Variants in MACROD1 observed in about 807,000 individuals in gnomAD.
The protein encoded by MACROD1 is ADP-ribose glycohydrolase MACROD1.
Under a neutral mutation model 41.4 loss-of-function variants are expected in MACROD1, and 31 were observed. The observed-to-expected ratio is 0.75, with a 90% CI of 0.56 to 1.01. MACROD1 has a LOEUF of 1.01. Ranked by LOEUF, MACROD1 falls within the 50% of genes least tolerant of loss-of-function variation. The pLI is 0.00. For synonymous variants in MACROD1, 252 were observed against 203.4 expected (o/e 1.24, Z -2.03); for missense variants, 473 against 460.0 (o/e 1.03, Z -0.26).
chr11:64,130,713 C>T (rs970387854), intron 3 of MACROD1, among the ~76,000 whole-genome samples: 5 of 152,206 alleles, frequency 3.3e-5, no homozygotes, highest in Non-Finnish European at 5.9e-5. Context: ...GCCTCCCCGC[C>T]GCCGCACCCA....
At chr11:64,051,203 CA>C (rs1242642101) in intron 3 of MACROD1, among the ~76,000 whole-genome samples, 11 of 152,362 alleles carry the variant, frequency 7.2e-5, no homozygotes, top group African/African-American at 2.2e-4. Context: ...GACATGGGGC[CA>C]GGGGTGCCAA....
chr11:63,999,114 G>C lies in MACROD1; in HGVS notation c.892-78C>G, dbSNP rs1942770123. The C allele has an allele frequency of 2.1e-6, 3 of 1,427,526 alleles. No homozygotes were observed. The South Asian group carries it at 3.9e-5, about 19-fold the overall frequency. 88.4% of individuals were successfully genotyped at this position (1,427,526 alleles called of 1,614,324 possible). ...TCCTGTGACTGCCTGCCCTGGTGCA[G>C]GCTTTCACCTGCCTGGCCCTGCGCC... On this transcript the variant is annotated intron_variant, in intron 8 of 10. Transcript: ENST00000255681.
intron 4 of MACROD1, among the ~76,000 whole-genome samples, chr11:64,011,517 G>A (rs570717174): frequency 6.6e-6 from 1 of 152,038 alleles, no homozygotes; most frequent in East Asian, 1.9e-4. Context: ...CACCACAGAT[G>A]TTAATTATTT....
At chr11:64,161,664 TG>T (rs1266852497) in intron 1 of MACROD1, among the ~76,000 whole-genome samples, 5 of 152,246 alleles carry the variant, frequency 3.3e-5, no homozygotes, top group Admixed American at 6.5e-5. Context: ...CCAGGCACAG[TG>T]GCTCACACCT....
In MACROD1 at chr11:64,036,660, T is replaced by C. The variant is rs1476193575; in HGVS notation, c.518-21379A>G. On this transcript the variant is annotated intron_variant, in intron 3 of 10. Transcript: ENST00000255681. The surrounding 1 kb of genome is among the most constrained non-coding windows in gnomAD (Gnocchi z 5.6). Reference sequence around the variant, plus strand: ...TCACGGTTGGAGCGAGGTTTTATTTTTAAAACGACTTCAAGGGGGGCATGA... The same window carrying C: ...TCACGGTTGGAGCGAGGTTTTATTTCTAAAACGACTTCAAGGGGGGCATGA... Among the ~76,000 whole-genome samples, 3 of 152,046 alleles carry C rather than the reference T, an allele frequency of 2.0e-5. No individual in the cohort carries two copies.
intron 3 of MACROD1, among the ~76,000 whole-genome samples, chr11:64,130,581 G>A (rs868483882): frequency 1.3e-4 from 20 of 152,132 alleles, no homozygotes; most frequent in Non-Finnish European, 2.2e-4. Context: ...GGAGGGTCCC[G>A]GACGCATGGG....
At chr11:64,047,997 C>T (rs1344356095) in intron 3 of MACROD1, among the ~76,000 whole-genome samples, 4 of 152,174 alleles carry the variant, frequency 2.6e-5, no homozygotes, top group Non-Finnish European at 4.4e-5. Context: ...TCCCAGTGCC[C>T]TGTGTGCTGG....
In MACROD1 at chr11:64,120,219, G is replaced by A. The variant is rs78228546; in HGVS notation, c.517+31020C>T. 2.7e-4 allele frequency among the ~76,000 whole-genome samples: 41 copies of A among 152,126 alleles called. No individual in the cohort carries two copies. Among genetic ancestry groups the A allele is most frequent in the Non-Finnish European group, 5.3e-4 (36 of 68,018 alleles). ...TGGGCACAGGCTCCCAGCACGGCCT[G>A]GGGGGGCTAGCCCACGAAATAGGTC... On this transcript the variant is annotated intron_variant, in intron 3 of 10. Transcript: ENST00000255681. The surrounding 1 kb of genome is among the most constrained non-coding windows in gnomAD (Gnocchi z 4.5).
intron 1 of MACROD1, among the ~76,000 whole-genome samples, chr11:64,164,589 C>T (rs1281700077): frequency 6.6e-6 from 1 of 152,260 alleles, no homozygotes; most frequent in African/African-American, 2.4e-5. Context: ...AAAGTCGGTG[C>T]TTTCTGCCGT....
chr11:64,117,913 C>T lies in MACROD1; in HGVS notation c.517+33326G>A, dbSNP rs148484621. 6.3e-5 allele frequency: 101 copies of T among 1,613,674 alleles called. No homozygotes were observed. The highest frequency in any genetic ancestry group is 7.6e-5 in the Non-Finnish European group (90 of 1,179,910). Reference sequence around the variant, plus strand: ...CAGGAGCAGAACGCTGGCCCCATGGCGAGCCTGCCCCTGGCGGGCATCATC... The same window carrying T: ...CAGGAGCAGAACGCTGGCCCCATGGTGAGCCTGCCCCTGGCGGGCATCATC... On this transcript the variant is annotated intron_variant, in intron 3 of 10. Transcript: ENST00000255681.
At chr11:64,138,460 G>A (rs1945361896) in intron 3 of MACROD1, 1 of 957,370 alleles carries the variant, frequency 1.0e-6, no homozygotes, top group Non-Finnish European at 1.2e-6. Flanking sequence ...AGATTTTAAT[G>A]TTCCTGTTTC....
intron 1 of MACROD1, among the ~76,000 whole-genome samples, chr11:64,164,215 A>G (rs914467603): frequency 1.3e-5 from 2 of 152,208 alleles, no homozygotes; most frequent in Admixed American, 6.5e-5. Flanking sequence ...GCGTTCAATA[A>G]AAGTTTGCTG....
intron 3 of MACROD1, among the ~76,000 whole-genome samples, chr11:64,106,027 A>T (rs1944757395): frequency 6.6e-6 from 1 of 152,104 alleles, no homozygotes; most frequent in African/African-American, 2.4e-5. Context: ...CACCTCTGAT[A>T]GTTGGAGACA....
chr11:64,144,107 G>A (rs781098780), intron 3 of MACROD1, among the ~76,000 whole-genome samples: 19 of 147,874 alleles, frequency 1.3e-4, no homozygotes, highest in Non-Finnish European at 2.4e-4. Flanking sequence ...GGCCCCGGCC[G>A]TGGCTCACTC....
intron 3 of MACROD1, among the ~76,000 whole-genome samples, chr11:64,016,706 A>C (rs976832736): frequency 6.6e-6 from 1 of 152,218 alleles, no homozygotes; most frequent in African/African-American, 2.4e-5. Flanking sequence ...GATTAATACA[A>C]GCAGCTAATT....
intron 3 of MACROD1, chr11:64,119,030 C>G: frequency 6.0e-6 from 1 of 167,384 alleles, no homozygotes. Flanking sequence ...TTCCCTGCCA[C>G]CTGGAGGTGC....
intron 3 of MACROD1, among the ~76,000 whole-genome samples, chr11:64,016,555 G>GT (rs1943083685): frequency 6.6e-6 from 1 of 152,244 alleles, no homozygotes; most frequent in Non-Finnish European, 1.5e-5. Context: ...CCAAGATGCC[G>GT]TGAGGACGGC....
chr11:64,117,678 C>T (rs745527335), intron 3 of MACROD1: 3 of 1,613,660 alleles, frequency 1.9e-6, no homozygotes, highest in Admixed American at 1.7e-5. Flanking sequence ...TTGGCTGCGC[C>T]TGGGCCACAG....
chr11:64,165,673 G>A (rs762481440), intron 1 of MACROD1, 24 bp downstream of exon 1: 3 of 1,383,274 alleles, frequency 2.2e-6, no homozygotes, highest in East Asian at 5.7e-5. Flanking sequence ...CCTCTCCCTC[G>A]CGCCCCCTCG....
Sources: gnomAD v4.1 joint callset for allele counts (sites outside exome capture counted in the v4.1 genomes callset) on GRCh38, gnomAD v4.1.1 for gene constraint, Gnocchi (gnomAD v3.1) non-coding constraint, MANE v1.5 for transcripts, NCBI Gene and HGNC (gene_info 2026-07-23, HGNC 2026-07-21) for gene names.